SEC24D: variants seen among roughly 807,000 people sequenced by gnomAD.
SEC24D encodes the protein protein transport protein Sec24D.
Under a neutral mutation model 116.9 loss-of-function variants are expected in SEC24D, and 69 were observed. The ratio of observed to expected loss-of-function variants is 0.59; its 90% CI spans 0.49 to 0.72. The LOEUF is 0.72. Among genes scored for constraint, SEC24D ranks in the 30% least tolerant of loss-of-function variants. SEC24D has a pLI of 0.00. For missense variants in SEC24D, 1,131 were observed against 1,264.1 expected (o/e 0.89, Z 1.60); for synonymous variants, 405 against 442.8 (o/e 0.91, Z 1.07).
chr4:118,771,311 G>A (rs993687316), intron 8 of SEC24D, among the ~76,000 whole-genome samples: 1 of 152,066 alleles, frequency 6.6e-6, no homozygotes. Context: ...TTAGCTCTTA[G>A]TATATCCCTG....
chr4:118,752,557 C>T (rs1726892373), intron 12 of SEC24D, 140 bp downstream of exon 12: 3 of 603,656 alleles, frequency 5.0e-6, no homozygotes, highest in Non-Finnish European at 8.3e-6. Flanking sequence ...ACTGACTTAA[C>T]ATAAATGATA....
At chr4:118,820,660 C>CTT (rs1730362457) in intron 3 of SEC24D, among the ~76,000 whole-genome samples, 1 of 123,912 alleles carries the variant, frequency 8.1e-6, no homozygotes. Context: ...TGGAGTGATC[C>CTT]CTTTTTTTTT....
At chr4:118,834,520 T>A (rs951064924) in intron 1 of SEC24D, among the ~76,000 whole-genome samples, 1 of 151,540 alleles carries the variant, frequency 6.6e-6, no homozygotes, top group Non-Finnish European at 1.5e-5. Flanking sequence ...GAACCCAAAT[T>A]TGCTTTAAAT....
intron 8 of SEC24D, among the ~76,000 whole-genome samples, chr4:118,787,426 G>GTATGC (rs1728701137): frequency 6.6e-6 from 1 of 152,140 alleles, no homozygotes; most frequent in African/African-American, 2.4e-5. Flanking sequence ...ACAGTAATCA[G>GTATGC]TTTAATTTCA....
At chr4:118,753,845 T>C (rs1726954384) in intron 11 of SEC24D, among the ~76,000 whole-genome samples, 1 of 152,210 alleles carries the variant, frequency 6.6e-6, no homozygotes, top group Admixed American at 6.5e-5. Context: ...GCCACTTTCT[T>C]TGACCATTAG....
intron 17 of SEC24D, among the ~76,000 whole-genome samples, chr4:118,740,018 T>C (rs953445452): frequency 3.3e-5 from 5 of 152,132 alleles, no homozygotes; most frequent in African/African-American, 1.2e-4. Flanking sequence ...ACCTAAGTAT[T>C]TGGAGATGAG....
intron 14 of SEC24D, among the ~76,000 whole-genome samples, chr4:118,744,545 C>T (rs192138604): frequency 4.6e-5 from 7 of 152,344 alleles, no homozygotes; most frequent in Admixed American, 1.3e-4. Flanking sequence ...CTCACTGCTA[C>T]ACTGTCAGAG....
rs116630840 is a variant in SEC24D at position 118,750,157 on chromosome 4, C to A, written c.1707+1839G>T. On this transcript the variant is annotated intron_variant, in intron 13 of 22. Coordinates refer to ENST00000280551, the MANE Select transcript of SEC24D (RefSeq NM_014822.4). ...AATGAGTTGGACTCTAGTAAACTGGCTGATGGCTGACTATACTGATTGCTG... is the reference window on the plus strand; with the variant it reads ...AATGAGTTGGACTCTAGTAAACTGGATGATGGCTGACTATACTGATTGCTG... Among the ~76,000 whole-genome samples, 675 of 152,260 alleles carry A rather than the reference C, an allele frequency of 4.4e-3. 3 individuals carry two copies. Among genetic ancestry groups the A allele is most frequent in the African/African-American group, 0.016 (645 of 41,552 alleles).
chr4:118,815,523 G>T lies in SEC24D; in HGVS notation c.601C>A (p.Pro201Thr), dbSNP rs772582210. The change falls in exon 5 of 23, where the codon CCT (proline) becomes ACT (threonine). Residue 201 changes from proline to threonine, a missense_variant. Transcript: ENST00000280551. ...GGGGGCTGGTACTGGGCATTTGGAG[G>T]AGGAGGCCCAGAGAGCCCATCTGGT... ...YRPDGLSGPP[P>T]PNAQYQPPPL... The T allele has an allele frequency of 6.2e-7, 1 of 1,614,194 alleles. No homozygotes were observed. Among genetic ancestry groups the T allele is most frequent in the South Asian group, 1.1e-5 (1 of 91,090 alleles).
At chr4:118,829,668 C>A (rs536958509) in intron 2 of SEC24D, among the ~76,000 whole-genome samples, 3 of 151,974 alleles carry the variant, frequency 2.0e-5, no homozygotes, top group African/African-American at 7.3e-5. Context: ...CAAAATTAGC[C>A]GGGTGTGGTG....
chr4:118,761,934 T>C (rs941691850), intron 10 of SEC24D, among the ~76,000 whole-genome samples: 4 of 152,236 alleles, frequency 2.6e-5, no homozygotes, highest in African/African-American at 4.8e-5. Flanking sequence ...ATGAAAACTA[T>C]AGACATTTCT....
intron 5 of SEC24D, 76 bp from the exon 6 acceptor site, chr4:118,815,231 T>A: frequency 1.9e-6 from 3 of 1,539,900 alleles, no homozygotes; most frequent in Admixed American, 1.8e-5. Flanking sequence ...GATATTATGC[T>A]GTTCAGTCAA....
At chr4:118,731,566 TC>T in intron 20 of SEC24D, 59 bp from the exon 21 acceptor site, 1 of 1,454,224 alleles carries the variant, frequency 6.9e-7, no homozygotes, top group Non-Finnish European at 9.6e-7. Context: ...CTTCCCTCCT[TC>T]CTCTTTTCCT....
At chr4:118,794,027 A>G (rs1729066043) in intron 8 of SEC24D, among the ~76,000 whole-genome samples, 1 of 152,226 alleles carries the variant, frequency 6.6e-6, no homozygotes, top group Admixed American at 6.5e-5. Context: ...AATACTTTGG[A>G]AAGCACAGAG....
At chr4:118,818,952 C>T (rs928586659) in intron 3 of SEC24D, among the ~76,000 whole-genome samples, 3 of 152,122 alleles carry the variant, frequency 2.0e-5, no homozygotes, top group Admixed American at 2.0e-4. Flanking sequence ...AGGCTAAGCA[C>T]CCTTTGACTT....
chr4:118,799,586 G>C (rs928411606), intron 7 of SEC24D, among the ~76,000 whole-genome samples: 1 of 152,210 alleles, frequency 6.6e-6, no homozygotes, highest in Non-Finnish European at 1.5e-5. Flanking sequence ...AGATGACCAA[G>C]TACTGAGCCC....
At position 118,815,144 on chromosome 4, in the gene SEC24D, G is replaced by A. The variant is rs1409550985; in HGVS notation, c.685C>T (p.Pro229Ser). ...GYPPQQANSG[P>S]QMAGAQLSYP... ...GACAGTTGTGCGCCTGCCATCTGGG[G>A]ACCAGAGTTGGCTGCTTGGAAAAAA... The change falls in exon 6 of 23, where the codon CCC (proline) becomes TCC (serine). Residue 229 changes from proline (P) to serine (S), a missense_variant. Coordinates refer to ENST00000280551, the MANE Select transcript of SEC24D (RefSeq NM_014822.4). 6.2e-7 allele frequency: 1 copy of A among 1,614,042 alleles called. No individual in the cohort carries two copies. The highest frequency in any genetic ancestry group is 1.7e-5 in the Admixed American group (1 of 60,020).
At chr4:118,772,624 C>T (rs1490631309) in intron 8 of SEC24D, among the ~76,000 whole-genome samples, 1 of 152,032 alleles carries the variant, frequency 6.6e-6, no homozygotes, top group Non-Finnish European at 1.5e-5. Context: ...GTGGAGCAGG[C>T]AACCTAATGA....
chr4:118,833,979 G>C (rs1165427269), intron 1 of SEC24D, among the ~76,000 whole-genome samples: 1 of 152,154 alleles, frequency 6.6e-6, no homozygotes, highest in Non-Finnish European at 1.5e-5. Context: ...CATGAGACCT[G>C]AATAATAACT....
Sources: allele counts gnomAD v4.1 joint callset (sites outside exome capture counted in the v4.1 genomes callset), GRCh38; gene constraint gnomAD v4.1.1; transcripts MANE v1.5; gene names NCBI Gene and HGNC (gene_info 2026-07-23, HGNC 2026-07-21).